The following DDAH1 variants were observed in gnomAD, a reference collection of about 807,000 sequenced individuals.
DDAH1 encodes dimethylarginine dimethylaminohydrolase 1.
A neutral mutation model predicts 28.8 loss-of-function variants in DDAH1; 19 were observed. The ratio of observed to expected loss-of-function variants is 0.66; its 90% CI spans 0.46 to 0.97. DDAH1 has a LOEUF of 0.97. Ranked by LOEUF, DDAH1 falls within the 50% of genes least tolerant of loss-of-function variation. The probability of loss-of-function intolerance (pLI) is 0.00; values close to 1 mark genes in which losing one functional copy is unlikely to be tolerated. For missense variants in DDAH1, 326 were observed against 375.9 expected (o/e 0.87, Z 1.10); for synonymous variants, 153 against 154.4 (o/e 0.99, Z 0.07).
At chr1:85,496,545 G>A (rs1656602259) in intron 1 of DDAH1, among the ~76,000 whole-genome samples, 1 of 152,212 alleles carries the variant, frequency 6.6e-6, no homozygotes, top group Non-Finnish European at 1.5e-5. Flanking sequence ...CATAGAGTCG[G>A]TATTTTCCTT....
chr1:85,387,720 T>C (rs542408100), intron 1 of DDAH1, among the ~76,000 whole-genome samples: 1 of 152,322 alleles, frequency 6.6e-6, no homozygotes, highest in South Asian at 2.1e-4. Context: ...TCAGGTATTT[T>C]TATTGCAATG....
chr1:85,510,600 G>C (rs555093783), intron 1 of DDAH1, among the ~76,000 whole-genome samples: 1 of 152,140 alleles, frequency 6.6e-6, no homozygotes, highest in Non-Finnish European at 1.5e-5. Context: ...GTATTCAGGA[G>C]ACCCATCTCA....
At position 85,442,450 on chromosome 1, in the gene DDAH1, C is replaced by G. The variant is rs1245782127; in HGVS notation, c.303+22293G>C. ...TCGTTGATGGACATCTGGGTTGGTT[C>G]CAAGTTTTTGCTATTGTGAATAGTG... On this transcript the variant is annotated intron_variant, in intron 1 of 5. Transcript: ENST00000284031. Among the ~76,000 whole-genome samples the G allele has an allele frequency of 2.6e-5, 4 of 152,210 alleles. No homozygotes were observed. The East Asian group carries it at 7.7e-4, about 29-fold the overall frequency.
intron 1 of DDAH1, among the ~76,000 whole-genome samples, chr1:85,402,264 G>C (rs945130236): frequency 2.7e-5 from 4 of 149,594 alleles, no homozygotes; most frequent in Admixed American, 6.7e-5. Context: ...GCCTCTGAAA[G>C]TGCTGGGATT....
At chr1:85,559,912 T>C (rs1659093497) in intron 1 of DDAH1, among the ~76,000 whole-genome samples, 1 of 152,016 alleles carries the variant, frequency 6.6e-6, no homozygotes, top group Admixed American at 6.5e-5. Context: ...AGAACGAGTA[T>C]AAATTATGGT....
At chr1:85,433,451 C>T (rs1482115713) in intron 1 of DDAH1, among the ~76,000 whole-genome samples, 1 of 152,156 alleles carries the variant, frequency 6.6e-6, no homozygotes, top group Non-Finnish European at 1.5e-5. Context: ...ACAACGACAA[C>T]TGCAATAACG....
chr1:85,464,826 AG>A lies in DDAH1; in HGVS notation c.219del (p.Cys74AlafsTer31). 6.3e-7 allele frequency: 1 copy of A among 1,588,362 alleles called. No homozygotes were observed. ...ACGGCCACGTCCTCCACGAAGACGC[AG>A]TCCGGAAGGCTCTCGTCGGCCGGCA... ...VELPADESLP[D>X]CVFVEDVAVV... On this transcript the variant is annotated frameshift_variant, in exon 1 of 6. Transcript: ENST00000284031. LOFTEE classifies it high-confidence loss of function. The surrounding 1 kb of genome is among the most constrained non-coding windows in gnomAD (Gnocchi z 4.4).
At chr1:85,552,161 G>C (rs1658812137) in intron 1 of DDAH1, among the ~76,000 whole-genome samples, 1 of 152,184 alleles carries the variant, frequency 6.6e-6, no homozygotes, top group Non-Finnish European at 1.5e-5. Flanking sequence ...TCTGGAAAAA[G>C]TCATGGCTAC....
intron 2 of DDAH1, among the ~76,000 whole-genome samples, chr1:85,472,886 T>G (rs79401519): frequency 0.11 from 16,820 of 152,176 alleles, 1,093 homozygotes; most frequent in African/African-American, 0.18. Context: ...TGTCTCTTTT[T>G]GGAGTCCGCA....
At chr1:85,342,428 T>C (rs760406075) in intron 4 of DDAH1, among the ~76,000 whole-genome samples, 11 of 151,390 alleles carry the variant, frequency 7.3e-5, no homozygotes, top group Non-Finnish European at 1.6e-4. Context: ...GGAGGAGGTA[T>C]GGGAATATGA....
At chr1:85,379,272 G>A (rs1157656828) in intron 1 of DDAH1, among the ~76,000 whole-genome samples, 1 of 152,170 alleles carries the variant, frequency 6.6e-6, no homozygotes, top group African/African-American at 2.4e-5. Flanking sequence ...CTGTCTCCCA[G>A]GGCAGGGAGC....
At chr1:85,355,964 A>G (rs1166646506) in intron 2 of DDAH1, among the ~76,000 whole-genome samples, 1 of 152,248 alleles carries the variant, frequency 6.6e-6, no homozygotes, top group African/African-American at 2.4e-5. Context: ...CACTTTAGGA[A>G]TACATGCATG....
At chr1:85,522,864 G>A (rs575668419) in intron 1 of DDAH1, among the ~76,000 whole-genome samples, 30 of 151,346 alleles carry the variant, frequency 2.0e-4, no homozygotes, top group African/African-American at 6.8e-4. Context: ...AGAGTGGTAT[G>A]GACATGCAAA....
intron 1 of DDAH1, among the ~76,000 whole-genome samples, chr1:85,505,636 A>G (rs996153184): frequency 6.6e-6 from 1 of 152,234 alleles, no homozygotes. Context: ...GAACCTGTCT[A>G]TATTCTTGGC....
chr1:85,361,430 C>G (rs374681547), intron 1 of DDAH1, among the ~76,000 whole-genome samples: 3 of 152,100 alleles, frequency 2.0e-5, no homozygotes, highest in East Asian at 1.9e-4. Flanking sequence ...GAGACAGTAA[C>G]CCTGCAGTGT....
At chr1:85,381,237 A>T (rs1051852008) in intron 1 of DDAH1, among the ~76,000 whole-genome samples, 20 of 151,886 alleles carry the variant, frequency 1.3e-4, no homozygotes, top group Non-Finnish European at 2.5e-4. Flanking sequence ...CCAAAAAAAA[A>T]AAAAAAGATA....
intron 1 of DDAH1, among the ~76,000 whole-genome samples, chr1:85,433,504 A>G (rs1399602286): frequency 2.0e-5 from 3 of 152,202 alleles, no homozygotes; most frequent in African/African-American, 7.2e-5. Context: ...GGATTTTCTG[A>G]GGAAGGCTAA....
At chr1:85,421,646 T>C (rs900938171) in intron 1 of DDAH1, among the ~76,000 whole-genome samples, 1 of 152,224 alleles carries the variant, frequency 6.6e-6, no homozygotes, top group Non-Finnish European at 1.5e-5. Context: ...CTTTTCACTA[T>C]TGCTAAAGTT....
At chr1:85,342,238 C>T (rs1006155526) in intron 4 of DDAH1, among the ~76,000 whole-genome samples, 2 of 152,174 alleles carry the variant, frequency 1.3e-5, no homozygotes, top group African/African-American at 4.8e-5. Context: ...GGCAATTATG[C>T]TTCTTTAGTA....
Sources: gnomAD v4.1 joint callset for allele counts (sites outside exome capture counted in the v4.1 genomes callset) on GRCh38, gnomAD v4.1.1 for gene constraint, Gnocchi (gnomAD v3.1) non-coding constraint, MANE v1.5 for transcripts, NCBI Gene and HGNC (gene_info 2026-07-23, HGNC 2026-07-21) for gene names.